The following RIMS1 variants were observed in gnomAD, a reference collection of about 807,000 sequenced individuals.
The protein encoded by RIMS1 is regulating synaptic membrane exocytosis protein 1.
RIMS1 carries 83 observed loss-of-function variants against 214.1 expected under a neutral mutation model. That is an observed-to-expected ratio of 0.39 (90% CI 0.32 to 0.47). The LOEUF (loss-of-function observed/expected upper bound fraction) is 0.47, where lower values mean the gene tolerates loss of function less well. Ranked by LOEUF, RIMS1 falls within the 20% of genes least tolerant of loss-of-function variation. The probability of loss-of-function intolerance (pLI) is 0.99; values close to 1 mark genes in which losing one functional copy is unlikely to be tolerated. For missense variants in RIMS1, 2,050 were observed against 2,161.8 expected (o/e 0.95, Z 1.03); for synonymous variants, 793 against 786.8 (o/e 1.01, Z -0.13).
intron 2 of RIMS1, among the ~76,000 whole-genome samples, chr6:72,018,737 G>A (rs1018900048): frequency 2.6e-5 from 4 of 152,170 alleles, no homozygotes; most frequent in African/African-American, 7.2e-5. Context: ...AGCCAGTGAA[G>A]AGTGTCTCAA....
Position 72,275,120 on chromosome 6 carries a change from GTATATATATATA to G in RIMS1, c.3482+738_3482+749del, listed in dbSNP as rs10526446. Among the ~76,000 whole-genome samples the G allele has an allele frequency of 7.7e-4, 63 of 81,486 alleles. 1 individual carries two copies. Among genetic ancestry groups the G allele is most frequent in the Non-Finnish European group, 8.1e-4 (33 of 40,768 alleles). The allele number at this position is 81,486 out of a possible 152,430, so 53.5% of individuals were successfully genotyped here. A position where few individuals can be genotyped will look rare whatever the true frequency, so the allele number is the denominator to read the frequency against. ...GTTGACCCAGTTTTCCTATTTTATG[GTATATATATATA>G]TATATATATATATATATATATATAT... On this transcript the variant is annotated intron_variant, in intron 23 of 33. Coordinates refer to ENST00000521978, the MANE Select transcript of RIMS1 (RefSeq NM_014989.7).
At chr6:71,976,269 T>G (rs1419458537) in intron 2 of RIMS1, among the ~76,000 whole-genome samples, 1 of 152,130 alleles carries the variant, frequency 6.6e-6, no homozygotes, top group Non-Finnish European at 1.5e-5. Context: ...AAGTAGTGTC[T>G]TACTGTGGTT....
chr6:72,302,323 G>A (rs909493687), intron 26 of RIMS1, among the ~76,000 whole-genome samples: 7 of 151,462 alleles, frequency 4.6e-5, no homozygotes, highest in African/African-American at 1.5e-4. Flanking sequence ...GACTAGTATT[G>A]TATTTTTGAA....
At chr6:72,191,371 A>G (rs1281000767) in intron 6 of RIMS1, among the ~76,000 whole-genome samples, 1 of 152,244 alleles carries the variant, frequency 6.6e-6, no homozygotes, top group African/African-American at 2.4e-5. Flanking sequence ...TTACTGAGGT[A>G]GAAGGTCCCT....
chr6:71,940,184 ATTCT>A (rs1785627101), intron 1 of RIMS1, among the ~76,000 whole-genome samples: 1 of 152,196 alleles, frequency 6.6e-6, no homozygotes, highest in Non-Finnish European at 1.5e-5. Context: ...AGATTCTGGA[ATTCT>A]TTCTTCCAAT....
chr6:72,218,999 A>G (rs1008067973), intron 6 of RIMS1, among the ~76,000 whole-genome samples: 1 of 152,210 alleles, frequency 6.6e-6, no homozygotes, highest in Non-Finnish European at 1.5e-5. Context: ...ATTTTGAAGT[A>G]TTACCTGTGA....
At chr6:72,195,425 C>G (rs1360045360) in intron 6 of RIMS1, among the ~76,000 whole-genome samples, 1 of 152,070 alleles carries the variant, frequency 6.6e-6, no homozygotes, top group Non-Finnish European at 1.5e-5. Context: ...ATGATACATG[C>G]AAGAATATCA....
chr6:72,128,279 T>G (rs183367161), intron 4 of RIMS1, among the ~76,000 whole-genome samples: 353 of 152,216 alleles, frequency 2.3e-3, no homozygotes, highest in African/African-American at 7.8e-3. Context: ...ACAGAGAAAT[T>G]TTGAATTAAA....
chr6:72,201,041 A>G (rs1462369315), intron 6 of RIMS1, among the ~76,000 whole-genome samples: 1 of 152,180 alleles, frequency 6.6e-6, no homozygotes, highest in Non-Finnish European at 1.5e-5. Context: ...ATTCTAAAAC[A>G]GGAGTTATGA....
chr6:72,351,424 A>G (rs190659551), intron 29 of RIMS1, among the ~76,000 whole-genome samples: 114 of 152,304 alleles, frequency 7.5e-4, no homozygotes, highest in African/African-American at 2.7e-3. Flanking sequence ...AGAATGGCTA[A>G]GAGTTGTTCA....
chr6:72,093,340 T>C (rs1218964626), intron 2 of RIMS1, among the ~76,000 whole-genome samples: 4 of 151,570 alleles, frequency 2.6e-5, no homozygotes, highest in Non-Finnish European at 5.9e-5. Flanking sequence ...GATATACATA[T>C]GTTATATGCA....
chr6:72,334,220 A>G (rs1398972977), intron 29 of RIMS1, among the ~76,000 whole-genome samples: 1 of 151,862 alleles, frequency 6.6e-6, no homozygotes, highest in Non-Finnish European at 1.5e-5. Context: ...TACTTTTTAT[A>G]GAAAAGAAGG....
chr6:71,953,947 A>G (rs141586939), intron 1 of RIMS1, among the ~76,000 whole-genome samples: 18 of 152,304 alleles, frequency 1.2e-4, no homozygotes, highest in Middle Eastern at 3.4e-3. Flanking sequence ...TAAACTATCT[A>G]TGCCTTTAGA....
intron 18 of RIMS1, among the ~76,000 whole-genome samples, chr6:72,259,731 C>T (rs72931873): frequency 0.2 from 30,698 of 152,094 alleles, 3,914 homozygotes; most frequent in Non-Finnish European, 0.28. Context: ...GAATCTGTTG[C>T]TCTGCGTGCC....
chr6:72,007,012 GGACAGACTGGCTTTTCAAGTGGGTCCCT>G (rs1562091491), intron 2 of RIMS1, among the ~76,000 whole-genome samples: 2 of 152,174 alleles, frequency 1.3e-5, no homozygotes, highest in African/African-American at 4.8e-5. Context: ...ATCTGAGAAC[GGACAGACTGGCTTTTCAAGTGGGTCCCT>G]GACACCCAAG....
chr6:72,233,638 G>T (rs1157966257), intron 6 of RIMS1, 135 bp from the exon 7 acceptor site: 1 of 686,236 alleles, frequency 1.5e-6, no homozygotes, highest in Non-Finnish European at 2.7e-6. Context: ...TGCAACACAG[G>T]TGTGCATCAT....
At chr6:72,316,576 G>A (rs554388776) in intron 28 of RIMS1, 19 of 404,154 alleles carry the variant, frequency 4.7e-5, no homozygotes, top group African/African-American at 3.9e-4. Context: ...GAGGGAGGAG[G>A]AGCCCCTGCC....
At chr6:72,047,286 T>C (rs965603543) in intron 2 of RIMS1, among the ~76,000 whole-genome samples, 2 of 152,168 alleles carry the variant, frequency 1.3e-5, no homozygotes, top group Non-Finnish European at 2.9e-5. Flanking sequence ...AGAAGCACCA[T>C]TGTGACACTC....
chr6:72,138,026 G>A (rs887360095), intron 4 of RIMS1, among the ~76,000 whole-genome samples: 4 of 151,996 alleles, frequency 2.6e-5, no homozygotes, highest in East Asian at 1.9e-4. Context: ...GTGAGCCACC[G>A]CGCCCGGCAA....
Sources: allele counts gnomAD v4.1 joint callset (sites outside exome capture counted in the v4.1 genomes callset), GRCh38; gene constraint gnomAD v4.1.1; transcripts MANE v1.5; gene names NCBI Gene and HGNC (gene_info 2026-07-23, HGNC 2026-07-21).